The following NDUFS3 variants were observed in gnomAD, a reference collection of about 807,000 sequenced individuals.
The protein encoded by NDUFS3 is NADH dehydrogenase [ubiquinone] iron-sulfur protein 3, mitochondrial.
NDUFS3 carries 19 observed loss-of-function variants against 30.8 expected under a neutral mutation model. The ratio of observed to expected loss-of-function variants is 0.62; its 90% CI spans 0.43 to 0.91. The LOEUF is 0.91. NDUFS3 is among the 40% of genes least tolerant of loss of function. The pLI, the probability that NDUFS3 is intolerant of heterozygous loss-of-function variation, is 0.00. For synonymous variants in NDUFS3, 153 were observed against 135.8 expected (o/e 1.13, Z -0.88); for missense variants, 331 against 342.0 (o/e 0.97, Z 0.25).
At position 47,584,396 on chromosome 11, in the gene NDUFS3, GC is replaced by G; in HGVS notation, c.714del (p.Trp239GlyfsTer48). 1 of 1,614,148 alleles carries G rather than the reference GC, an allele frequency of 6.2e-7. No individual in the cohort carries two copies. Reference sequence around the variant, plus strand: ...GAGTTCCGCAAATTTGACCTGAACAGCCCCTGGGAGGCTTTCCCAGTCTATC... The same window carrying G: ...GAGTTCCGCAAATTTGACCTGAACAGCCCTGGGAGGCTTTCCCAGTCTATC... ...AQEFRKFDLNSPWEAFPVYRQ... is the reference protein window; with the variant it reads ...AQEFRKFDLNXPWEAFPVYRQ... On this transcript the variant is annotated frameshift_variant, in exon 7 of 7. Transcript: ENST00000263774. LOFTEE classifies it high-confidence loss of function.
At position 47,581,133 on chromosome 11, in the gene NDUFS3, C is replaced by T. The variant is rs765907795; in HGVS notation, c.381+149C>T. ...TTCTGCCACTAAATGGCTGTGGGAC[C>T]TCAGATAACTCAAATATTTTGTTTA... is the stretch of plus-strand genomic sequence containing the variant. On this transcript the variant is annotated intron_variant, in intron 4 of 6. Transcript: ENST00000263774. The T allele has an allele frequency of 1.2e-5, 11 of 884,072 alleles. 1 individual carries two copies. In the Admixed American group the frequency reaches 2.2e-4, roughly 18 times the overall value. 54.8% of individuals were successfully genotyped at this position (884,072 alleles called of 1,614,324 possible). A position where few individuals can be genotyped will look rare whatever the true frequency, so the allele number is the denominator to read the frequency against.
chr11:47,584,297 G>A lies in NDUFS3; in HGVS notation c.628-17G>A. 6.2e-7 allele frequency: 1 copy of A among 1,614,002 alleles called. No individual in the cohort carries two copies. Among genetic ancestry groups the A allele is most frequent in the Non-Finnish European group, 8.5e-7 (1 of 1,180,014 alleles). On this transcript the variant is annotated splice_polypyrimidine_tract_variant and intron_variant, in intron 6 of 6. Transcript: ENST00000263774. ...AAGGACTTCCTTAGTGCTCAAGCCT[G>A]CCTTTTGCTCCTGCAGTTACGTTAT...
Position 47,582,334 on chromosome 11 carries a change from T to C in NDUFS3, c.508-15T>C. ...GTCTTGATGGATTGGCTGTTTGAGG[T>C]GGTCTCTTTCCTAGATCTGGGACAT... On this transcript the variant is annotated splice_polypyrimidine_tract_variant and intron_variant, in intron 5 of 6. Coordinates refer to ENST00000263774, the MANE Select transcript of NDUFS3 (RefSeq NM_004551.3). The C allele has an allele frequency of 6.2e-7, 1 of 1,614,204 alleles. No homozygotes were observed. Among genetic ancestry groups the C allele is most frequent in the Non-Finnish European group, 8.5e-7 (1 of 1,180,032 alleles).
Position 47,579,280 on chromosome 11 carries a change from C to T in NDUFS3, c.79C>T (p.Pro27Ser), listed in dbSNP as rs368907187. Residue 27 changes from proline to serine, a missense_variant, in exon 2 of 7, where the codon CCC becomes TCC. Pro to Ser is a moderately conservative substitution (Grantham distance 74). Coordinates refer to ENST00000263774, the MANE Select transcript of NDUFS3 (RefSeq NM_004551.3). The part of the protein sequence containing the change: ...ASALTRGTGR[P>S]SVLLLPVRRE... ...ATCTCCCTGTGCAGGGACTGGGCGACCCTCCGTTCTGTTGCTGCCGGTGAG... is the reference window on the plus strand; with the variant it reads ...ATCTCCCTGTGCAGGGACTGGGCGATCCTCCGTTCTGTTGCTGCCGGTGAG... The T allele has an allele frequency of 1.0e-4, 165 of 1,614,210 alleles. No individual in the cohort carries two copies. The Middle Eastern group carries it at 1.8e-3, about 18-fold the overall frequency.
intron 2 of NDUFS3, chr11:47,579,788 G>A (rs1438762007): frequency 4.0e-6 from 1 of 249,242 alleles, no homozygotes; most frequent in Admixed American, 5.0e-5. Context: ...CAGGGTCAAA[G>A]ACCTAGTGAA....
chr11:47,580,402 CTT>C (rs1018773025), intron 2 of NDUFS3, 121 bp from the exon 3 acceptor site: 5 of 912,668 alleles, frequency 5.5e-6, no homozygotes, highest in Non-Finnish European at 8.9e-6. Context: ...TCACATGCAC[CTT>C]TCTCAAGGTG....
chr11:47,583,476 C>T (rs1402497223), intron 6 of NDUFS3, among the ~76,000 whole-genome samples: 6 of 152,214 alleles, frequency 3.9e-5, no homozygotes, highest in African/African-American at 4.8e-5. Flanking sequence ...AAGGCAGTGA[C>T]GGGGAAGACA....
At chr11:47,582,683 G>T (rs1246553984) in intron 6 of NDUFS3, among the ~76,000 whole-genome samples, 1 of 152,178 alleles carries the variant, frequency 6.6e-6, no homozygotes, top group Admixed American at 6.5e-5. Flanking sequence ...AATAATAATA[G>T]CACTTTAATA....
intron 2 of NDUFS3, among the ~76,000 whole-genome samples, chr11:47,579,913 A>G (rs189636473): frequency 6.6e-6 from 1 of 151,690 alleles, no homozygotes; most frequent in Admixed American, 6.6e-5. Flanking sequence ...TGTACATATT[A>G]TGTTACAGTC....
At chr11:47,581,174 A>C (rs2097268641) in intron 4 of NDUFS3, 190 bp downstream of exon 4, 1 of 631,448 alleles carries the variant, frequency 1.6e-6, no homozygotes, top group Non-Finnish European at 2.7e-6. Flanking sequence ...TTTTTTTTTT[A>C]GACGGAATCT....
intron 2 of NDUFS3, chr11:47,579,758 G>C: frequency 3.5e-6 from 1 of 282,456 alleles, no homozygotes; most frequent in African/African-American, 2.2e-5. Context: ...TCAGGAAACA[G>C]TCCAAAGAAT....
intron 2 of NDUFS3, among the ~76,000 whole-genome samples, chr11:47,579,984 GACACACAC>G (rs36201718): frequency 0.18 from 25,128 of 139,090 alleles, 2,419 homozygotes; most frequent in East Asian, 0.27. Flanking sequence ...TTTTCTCATT[GACACACAC>G]ACACACACAC....
Position 47,579,701 on chromosome 11 carries a change from A to C in NDUFS3, c.133+367A>C, listed in dbSNP as rs1419684246. The stretch of plus-strand genomic sequence containing the variant: ...TAGTGAATGATCTTATTTCGTCCTC[A>C]CAACAGCCTTATGGGGTAGATAGCA... On this transcript the variant is annotated intron_variant, in intron 2 of 6. Coordinates refer to ENST00000263774, the MANE Select transcript of NDUFS3 (RefSeq NM_004551.3). 2.2e-5 allele frequency: 9 copies of C among 417,662 alleles called. No individual in the cohort carries two copies. The East Asian group carries it at 4.2e-4, about 20-fold the overall frequency. 25.9% of individuals were successfully genotyped at this position (417,662 alleles called of 1,614,324 possible). A position where few individuals can be genotyped will look rare whatever the true frequency, so the allele number is the denominator to read the frequency against.
At position 47,579,080 on chromosome 11, in the gene NDUFS3, C is replaced by T. The variant is rs987768862; in HGVS notation, c.-12C>T. ...GTCTTTCCGTCCGCTGCCTAGTCTG[C>T]ATCTGAGTAACATGGCGGCGGCGGC... is the stretch of plus-strand genomic sequence containing the variant. On this transcript the variant is annotated 5_prime_UTR_variant, in exon 1 of 7. Coordinates refer to ENST00000263774, the MANE Select transcript of NDUFS3 (RefSeq NM_004551.3). The T allele has an allele frequency of 6.4e-7, 1 of 1,559,172 alleles. No individual in the cohort carries two copies. The highest frequency in any genetic ancestry group is 8.7e-7 in the Non-Finnish European group (1 of 1,152,774).
chr11:47,582,569 G>T lies in NDUFS3; in HGVS notation c.627+101G>T, dbSNP rs1046939306. 5.1e-6 allele frequency: 8 copies of T among 1,578,744 alleles called. No homozygotes were observed. In the African/African-American group the frequency reaches 1.1e-4, roughly 21 times the overall value. ...AGAAATACGGTCTGTGGATTGTGGT[G>T]GTTTAAGAGCATGGGCCCTGGATTC... On this transcript the variant is annotated intron_variant, in intron 6 of 6. Coordinates refer to ENST00000263774, the MANE Select transcript of NDUFS3 (RefSeq NM_004551.3).
intron 6 of NDUFS3, among the ~76,000 whole-genome samples, chr11:47,583,898 T>G (rs1237234772): frequency 6.6e-6 from 1 of 152,236 alleles, no homozygotes; most frequent in East Asian, 1.9e-4. Context: ...ACTGTGAATA[T>G]GCCAAGGGCA....
intron 2 of NDUFS3, chr11:47,579,811 C>T: frequency 4.3e-6 from 1 of 232,746 alleles, no homozygotes; most frequent in Non-Finnish European, 8.5e-6. Flanking sequence ...ACAAAGTAGG[C>T]CTGCCTGCTG....
In NDUFS3 at chr11:47,579,074, A is replaced by T; in HGVS notation, c.-18A>T. ...CCTGCTGTCTTTCCGTCCGCTGCCT[A>T]GTCTGCATCTGAGTAACATGGCGGC... On this transcript the variant is annotated 5_prime_UTR_variant, in exon 1 of 7. Coordinates refer to ENST00000263774, the MANE Select transcript of NDUFS3 (RefSeq NM_004551.3). 1 of 1,556,018 alleles carries T rather than the reference A, an allele frequency of 6.4e-7. No individual in the cohort carries two copies. The highest frequency in any genetic ancestry group is 8.7e-7 in the Non-Finnish European group (1 of 1,150,950).
chr11:47,581,367 G>A (rs2097268719), intron 4 of NDUFS3: 1 of 295,496 alleles, frequency 3.4e-6, no homozygotes, highest in African/African-American at 2.2e-5. Context: ...ATGTTGGCCA[G>A]GATGGTCTCA....
Sources: gnomAD v4.1 joint callset for allele counts (sites outside exome capture counted in the v4.1 genomes callset) on GRCh38, gnomAD v4.1.1 for gene constraint, MANE v1.5 for transcripts, NCBI Gene and HGNC (gene_info 2026-07-23, HGNC 2026-07-21) for gene names.